TAFA1: variants seen among roughly 807,000 people sequenced by gnomAD.
TAFA1 encodes chemokine-like protein TAFA-1.
A neutral mutation model predicts 18.5 loss-of-function variants in TAFA1; 4 were observed. The observed-to-expected ratio is 0.22, with a 90% CI of 0.11 to 0.49. TAFA1 has a LOEUF of 0.49. Among genes scored for constraint, TAFA1 ranks in the 20% least tolerant of loss-of-function variants. TAFA1 has a pLI of 0.98. For synonymous variants in TAFA1, 56 were observed against 55.2 expected, an observed-to-expected ratio of 1.01 and a Z score of -0.06; for missense variants, 147 against 169.0, an observed-to-expected ratio of 0.87 and a Z score of 0.72.
At chr3:68,426,595 G>A (rs569757720) in intron 3 of TAFA1, among the ~76,000 whole-genome samples, 1 of 151,932 alleles carries the variant, frequency 6.6e-6, no homozygotes, top group Non-Finnish European at 1.5e-5. Context: ...GAGATGAAAA[G>A]TTTGGTAATA....
chr3:68,213,889 C>T (rs190943889), intron 2 of TAFA1, among the ~76,000 whole-genome samples: 49 of 152,170 alleles, frequency 3.2e-4, no homozygotes, highest in Non-Finnish European at 6.0e-4. Flanking sequence ...TCAACCTTGA[C>T]TTTCATAAAA....
chr3:68,365,653 T>A (rs180778336), intron 2 of TAFA1, among the ~76,000 whole-genome samples: 2 of 152,226 alleles, frequency 1.3e-5, no homozygotes, highest in African/African-American at 4.8e-5. Context: ...GGGTAATTGA[T>A]AAAGAAAGAG....
chr3:68,170,485 A>G (rs2066038922), intron 2 of TAFA1, among the ~76,000 whole-genome samples: 1 of 151,864 alleles, frequency 6.6e-6, no homozygotes, highest in Admixed American at 6.5e-5. Context: ...AGGCTGACCA[A>G]AATATTTTAA....
At chr3:68,068,921 G>T (rs1004901122) in intron 2 of TAFA1, among the ~76,000 whole-genome samples, 49 of 152,172 alleles carry the variant, frequency 3.2e-4, no homozygotes, top group African/African-American at 1.2e-3. Context: ...TATTGTATGT[G>T]CATAGACTCT....
chr3:68,433,511 C>G (rs1046108910), intron 3 of TAFA1, among the ~76,000 whole-genome samples: 1 of 152,090 alleles, frequency 6.6e-6, no homozygotes, highest in Admixed American at 6.6e-5. Context: ...CATTTTAATA[C>G]TATCTTTATT....
intron 3 of TAFA1, among the ~76,000 whole-genome samples, chr3:68,517,563 G>A (rs1451580349): frequency 1.3e-5 from 2 of 152,102 alleles, no homozygotes; most frequent in Non-Finnish European, 2.9e-5. Flanking sequence ...TGCTGAACAA[G>A]CCTCCTCTGG....
chr3:68,428,574 G>C (rs188489130), intron 3 of TAFA1, among the ~76,000 whole-genome samples: 43 of 151,974 alleles, frequency 2.8e-4, no homozygotes, highest in South Asian at 4.2e-4. Flanking sequence ...AGATGGGTTT[G>C]AGATCACCAA....
At chr3:68,050,847 GT>G (rs770828755) in intron 2 of TAFA1, among the ~76,000 whole-genome samples, 89 of 152,180 alleles carry the variant, frequency 5.8e-4, no homozygotes, top group Non-Finnish European at 1.1e-3. Flanking sequence ...TAAATGAATG[GT>G]TGTGGCTGCT....
chr3:68,158,309 A>G (rs989042010), intron 2 of TAFA1, among the ~76,000 whole-genome samples: 13 of 152,024 alleles, frequency 8.6e-5, no homozygotes, highest in African/African-American at 2.9e-4. Context: ...GAGAATCCCT[A>G]CTTTCTTATC....
chr3:68,434,156 A>C (rs924375072), intron 3 of TAFA1, among the ~76,000 whole-genome samples: 1 of 152,144 alleles, frequency 6.6e-6, no homozygotes, highest in Admixed American at 6.6e-5. Context: ...GAACTCTTCT[A>C]AGCATTTGTA....
chr3:68,469,225 G>C (rs2071948566), intron 3 of TAFA1, among the ~76,000 whole-genome samples: 1 of 151,722 alleles, frequency 6.6e-6, no homozygotes, highest in Non-Finnish European at 1.5e-5. Flanking sequence ...TAAAATACTA[G>C]TATACTAGTA....
intron 2 of TAFA1, among the ~76,000 whole-genome samples, chr3:68,075,627 A>G (rs2064813676): frequency 6.6e-6 from 1 of 152,150 alleles, no homozygotes; most frequent in Admixed American, 6.5e-5. Flanking sequence ...AAGTGGGTAG[A>G]AAAATGAAGC....
intron 2 of TAFA1, among the ~76,000 whole-genome samples, chr3:68,133,155 T>C (rs2065563734): frequency 1.3e-5 from 2 of 152,192 alleles, no homozygotes; most frequent in South Asian, 4.1e-4. Flanking sequence ...TTTGTCAGGT[T>C]TGTCAAAGAT....
At chr3:68,459,498 G>A (rs1559678441) in intron 3 of TAFA1, among the ~76,000 whole-genome samples, 5 of 151,984 alleles carry the variant, frequency 3.3e-5, no homozygotes, top group Non-Finnish European at 7.4e-5. Context: ...CGCACTAGAA[G>A]AATAAGTAAT....
chr3:68,449,188 G>A (rs748865363), intron 3 of TAFA1, among the ~76,000 whole-genome samples: 5 of 152,272 alleles, frequency 3.3e-5, no homozygotes, highest in African/African-American at 7.2e-5. Context: ...TGCAGGAGGC[G>A]GTGTACCAAG....
intron 2 of TAFA1, among the ~76,000 whole-genome samples, chr3:68,327,780 T>G (rs1208122610): frequency 2.6e-5 from 4 of 152,158 alleles, no homozygotes. Context: ...GGATGCTGAG[T>G]TTTTATTAAT....
At chr3:68,503,068 T>G (rs2072684484) in intron 3 of TAFA1, among the ~76,000 whole-genome samples, 1 of 152,170 alleles carries the variant, frequency 6.6e-6, no homozygotes, top group South Asian at 2.1e-4. Context: ...CTCTGAAGTT[T>G]GAAGTGTTTT....
intron 3 of TAFA1, among the ~76,000 whole-genome samples, chr3:68,428,797 A>G (rs1458074643): frequency 7.2e-5 from 11 of 151,960 alleles, no homozygotes; most frequent in Admixed American, 5.3e-4. Context: ...CATTCAAAGG[A>G]AGGTCACATC....
At chr3:68,244,215 T>C (rs1360637342) in intron 2 of TAFA1, among the ~76,000 whole-genome samples, 8 of 152,222 alleles carry the variant, frequency 5.3e-5, no homozygotes, top group Admixed American at 5.2e-4. Flanking sequence ...CTAATTTCCC[T>C]TTTCATCCCC....
Sources: allele counts gnomAD v4.1 joint callset (sites outside exome capture counted in the v4.1 genomes callset), GRCh38; gene constraint gnomAD v4.1.1; transcripts MANE v1.5; gene names NCBI Gene and HGNC (gene_info 2026-07-23, HGNC 2026-07-21).